Variants in ARHGEF3 observed in about 807,000 individuals in gnomAD.
ARHGEF3 encodes 59.8 kDA protein.
ARHGEF3 carries 28 observed loss-of-function variants against 63.2 expected under a neutral mutation model. That is an observed-to-expected ratio of 0.44 (90% CI 0.33 to 0.61). The LOEUF is 0.61. Among genes scored for constraint, ARHGEF3 ranks in the 20% least tolerant of loss-of-function variants. The pLI is 0.03. For synonymous variants in ARHGEF3, 266 were observed against 254.2 expected, an observed-to-expected ratio of 1.05 and a Z score of -0.44; for missense variants, 533 against 659.3, an observed-to-expected ratio of 0.81 and a Z score of 2.10.
At chr3:56,917,859 G>A (rs924250922) in intron 3 of ARHGEF3, among the ~76,000 whole-genome samples, 2 of 152,192 alleles carry the variant, frequency 1.3e-5, no homozygotes, top group African/African-American at 4.8e-5. Context: ...TTAGAGAAAG[G>A]AGGAAGTGAA....
intron 2 of ARHGEF3, among the ~76,000 whole-genome samples, chr3:57,006,454 C>A (rs1702471516): frequency 6.6e-6 from 1 of 152,194 alleles, no homozygotes; most frequent in African/African-American, 2.4e-5. Context: ...GAGCTCCCCG[C>A]TCCGATCTCC....
chr3:56,779,637 T>C (rs752769322), intron 1 of ARHGEF3, among the ~76,000 whole-genome samples: 3 of 152,246 alleles, frequency 2.0e-5, no homozygotes, highest in Non-Finnish European at 2.9e-5. Context: ...TCTTCCCAGC[T>C]ATAAGCTTTA....
intron 1 of ARHGEF3, among the ~76,000 whole-genome samples, chr3:57,064,791 G>GA (rs1705433433): frequency 6.6e-6 from 1 of 152,172 alleles, no homozygotes; most frequent in African/African-American, 2.4e-5. Flanking sequence ...GGGCAGGGGG[G>GA]AATGGGAGTT....
At chr3:56,774,028 C>A (rs1275307957) in intron 1 of ARHGEF3, among the ~76,000 whole-genome samples, 1 of 152,132 alleles carries the variant, frequency 6.6e-6, no homozygotes, top group African/African-American at 2.4e-5. Flanking sequence ...TCAACAGAGG[C>A]AGTATCTGGG....
In ARHGEF3 at chr3:56,954,962, T is replaced by C. The variant is rs1476764034; in HGVS notation, c.129+3861A>G. Among the ~76,000 whole-genome samples, 5 of 152,150 alleles carry C rather than the reference T, an allele frequency of 3.3e-5. No homozygotes were observed. The East Asian group carries it at 7.7e-4, about 23-fold the overall frequency. The stretch of plus-strand genomic sequence containing the variant: ...ACAACTCACTCAGCAAGACTTTCTT[T>C]AAAGTTATTTTGAAATCTCTCTTCT... On this transcript the variant is annotated intron_variant, in intron 3 of 12. Coordinates refer to the ARHGEF3 transcript ENST00000338458.
At chr3:56,849,844 T>C (rs1228783978) in intron 4 of ARHGEF3, among the ~76,000 whole-genome samples, 1 of 152,170 alleles carries the variant, frequency 6.6e-6, no homozygotes, top group Non-Finnish European at 1.5e-5. Context: ...GTGCCTGCAT[T>C]CATCTTCCCT....
At chr3:56,966,313 G>T (rs1380589111) in intron 2 of ARHGEF3, among the ~76,000 whole-genome samples, 1 of 152,238 alleles carries the variant, frequency 6.6e-6, no homozygotes, top group African/African-American at 2.4e-5. Context: ...GTATATGTAG[G>T]ATGAGGGCCC....
Position 56,729,264 on chromosome 3 carries a change from C to T in ARHGEF3, c.*6G>A. On this transcript the variant is annotated 3_prime_UTR_variant, in exon 10 of 10. Coordinates refer to ENST00000296315, the MANE Select transcript of ARHGEF3 (RefSeq NM_019555.3). ...AGGCCTGCTTCCCGAAGTGCACATG[C>T]TTCTGTCAGACGTTACTTTCACCGT... 5 of 1,605,732 alleles carry T rather than the reference C, an allele frequency of 3.1e-6. No homozygotes were observed. Among genetic ancestry groups the T allele is most frequent in the Non-Finnish European group, 4.3e-6 (5 of 1,175,134 alleles).
At chr3:56,889,478 T>A (rs893531971) in intron 3 of ARHGEF3, among the ~76,000 whole-genome samples, 1 of 152,178 alleles carries the variant, frequency 6.6e-6, no homozygotes, top group Non-Finnish European at 1.5e-5. Flanking sequence ...CCAAGGACTA[T>A]GCTCTCAGTT....
chr3:56,919,961 G>T (rs929462519), intron 3 of ARHGEF3, among the ~76,000 whole-genome samples: 2 of 152,130 alleles, frequency 1.3e-5, no homozygotes, highest in African/African-American at 4.8e-5. Context: ...ACCTGCTCTG[G>T]GATATTCAAG....
chr3:56,985,495 G>A (rs1476898574), intron 2 of ARHGEF3, among the ~76,000 whole-genome samples: 1 of 152,258 alleles, frequency 6.6e-6, no homozygotes, highest in Non-Finnish European at 1.5e-5. Flanking sequence ...ACTCGCTACA[G>A]GGCGACAATG....
At chr3:56,995,669 G>GAGAGAGAGAGAA (rs1373283304) in intron 2 of ARHGEF3, among the ~76,000 whole-genome samples, 2 of 124,772 alleles carry the variant, frequency 1.6e-5, no homozygotes, top group African/African-American at 5.6e-5. Context: ...GAGAGAGAGA[G>GAGAGAGAGAGAA]AGAATTTTTT....
intron 2 of ARHGEF3, among the ~76,000 whole-genome samples, chr3:56,757,617 T>C (rs1157078563): frequency 1.3e-5 from 2 of 152,230 alleles, no homozygotes; most frequent in Non-Finnish European, 2.9e-5. Context: ...TTTATAGTTA[T>C]GCAAAAAATG....
intron 4 of ARHGEF3, among the ~76,000 whole-genome samples, chr3:56,846,555 C>A (rs923772682): frequency 6.6e-6 from 1 of 152,098 alleles, no homozygotes; most frequent in Non-Finnish European, 1.5e-5. Context: ...GCAAAAGGGG[C>A]ACATTTGTAT....
chr3:57,027,037 A>C (rs184918123), intron 2 of ARHGEF3, among the ~76,000 whole-genome samples: 20 of 152,342 alleles, frequency 1.3e-4, no homozygotes, highest in Non-Finnish European at 2.9e-5. Context: ...GAGGGCATGC[A>C]TTCTGAGACC....
In ARHGEF3 at chr3:56,729,207, T is replaced by A. The variant is rs1360027832; in HGVS notation, c.*63A>T. Reference sequence around the variant, plus strand: ...AAGTGCTTCTCCAAACCGTTCCATCTGTGGAATGCAAATACTGTACAGGTA... The same window carrying A: ...AAGTGCTTCTCCAAACCGTTCCATCAGTGGAATGCAAATACTGTACAGGTA... On this transcript the variant is annotated 3_prime_UTR_variant, in exon 10 of 10. Coordinates refer to ENST00000296315, the MANE Select transcript of ARHGEF3 (RefSeq NM_019555.3). 7.0e-7 allele frequency: 1 copy of A among 1,436,734 alleles called. No homozygotes were observed. Among genetic ancestry groups the A allele is most frequent in the Non-Finnish European group, 9.5e-7 (1 of 1,056,532 alleles). The allele number at this position is 1,436,734 out of a possible 1,614,324, so 89.0% of individuals were successfully genotyped here. A position where few individuals can be genotyped will look rare whatever the true frequency, so the allele number is the denominator to read the frequency against.
chr3:56,833,781 A>G (rs2039008113), intron 4 of ARHGEF3, among the ~76,000 whole-genome samples: 1 of 152,208 alleles, frequency 6.6e-6, no homozygotes, highest in Non-Finnish European at 1.5e-5. Context: ...TTTTTAACAT[A>G]TGTTTGGAAA....
intron 3 of ARHGEF3, among the ~76,000 whole-genome samples, chr3:56,903,446 C>T (rs568866609): frequency 7.9e-5 from 12 of 152,208 alleles, no homozygotes; most frequent in Non-Finnish European, 1.5e-4. Flanking sequence ...CAGACATGTC[C>T]AGGATGTTTA....
chr3:56,777,946 T>TA (rs1374068433), intron 1 of ARHGEF3, among the ~76,000 whole-genome samples: 1 of 152,110 alleles, frequency 6.6e-6, no homozygotes, highest in African/African-American at 2.4e-5. Flanking sequence ...TGGAGCCAAA[T>TA]AAAAAAAGTC....
Sources: gnomAD v4.1 joint callset for allele counts (sites outside exome capture counted in the v4.1 genomes callset) on GRCh38, gnomAD v4.1.1 for gene constraint, MANE v1.5 for transcripts, NCBI Gene and HGNC (gene_info 2026-07-23, HGNC 2026-07-21) for gene names.